The following SERPINA6 variants were observed in gnomAD, a reference collection of about 807,000 sequenced individuals.
The protein encoded by SERPINA6 is serpin family A member 6, also known as corticosteroid-binding globulin.
In SERPINA6, 19 loss-of-function variants were observed where a neutral mutation model predicts 26.4. The observed-to-expected ratio is 0.72, with a 90% CI of 0.50 to 1.06. The LOEUF (loss-of-function observed/expected upper bound fraction) is 1.06. Among genes scored for constraint, SERPINA6 ranks in the 50% least tolerant of loss-of-function variants. The probability of loss-of-function intolerance (pLI) is 0.00; values close to 1 mark genes in which losing one functional copy is unlikely to be tolerated. For synonymous variants in SERPINA6, 196 were observed against 199.4 expected, an observed-to-expected ratio of 0.98 and a Z score of 0.14; for missense variants, 473 against 504.0, an observed-to-expected ratio of 0.94 and a Z score of 0.59.
At position 94,321,516 on chromosome 14, in the gene SERPINA6, G is replaced by A. The variant is rs143845279; in HGVS notation, c.-20+1751C>T. On this transcript the variant is annotated intron_variant, in intron 1 of 4. Transcript: ENST00000341584. ...CCCACTGTGGGGCAGGGCAGGGCATGTCACATCACTATAGGGCAGGTTACA... is the reference window on the plus strand; with the variant it reads ...CCCACTGTGGGGCAGGGCAGGGCATATCACATCACTATAGGGCAGGTTACA... Among the ~76,000 whole-genome samples, 392 of 152,312 alleles carry A rather than the reference G, an allele frequency of 2.6e-3. 3 individuals carry two copies. Among genetic ancestry groups the A allele is most frequent in the African/African-American group, 9.0e-3 (374 of 41,560 alleles).
At position 94,304,601 on chromosome 14, in the gene SERPINA6, C is replaced by T. The variant is rs1335608999; in HGVS notation, c.1035G>A (p.Val345=). 2 of 1,613,746 alleles carry T rather than the reference C, an allele frequency of 1.2e-6. No homozygotes were observed. Among genetic ancestry groups the T allele is most frequent in the Non-Finnish European group, 8.5e-7 (1 of 1,179,818 alleles). The change falls in exon 5 of 5, where the codon GTG becomes GTA. Residue 345 remains valine, a splice_region_variant and synonymous_variant. Transcript: ENST00000341584. ...TGAGTTGCAGCACAGCTTTATGGAC[C>T]ACCTGTTAGGTACAGAATGAAGATG... ...TQDAQLKSSK[V]VHKAVLQLNE... is the part of the protein sequence containing the mutation.
chr14:94,304,450 G>A lies in SERPINA6; in HGVS notation c.1186C>T (p.Leu396Phe). 1.9e-6 allele frequency: 3 copies of A among 1,614,166 alleles called. No individual in the cohort carries two copies. The highest frequency in any genetic ancestry group is 1.3e-5 in the African/African-American group (1 of 75,032). Residue 396 changes from leucine to phenylalanine, a missense_variant, in exon 5 of 5, where the codon CTT becomes TTT. Coordinates refer to ENST00000341584, the MANE Select transcript of SERPINA6 (RefSeq NM_001756.4). The part of the protein sequence containing the change: ...MIFDHFTWSS[L>F]FLARVMNPV Reference sequence around the variant, plus strand: ...GGGTTCATAACCCTCGCCAGGAAAAGGCTGCTCCAGGTGAAGTGGTCGAAG... The same window carrying A: ...GGGTTCATAACCCTCGCCAGGAAAAAGCTGCTCCAGGTGAAGTGGTCGAAG...
chr14:94,321,875 G>A (rs1457345560), intron 1 of SERPINA6, among the ~76,000 whole-genome samples: 1 of 152,212 alleles, frequency 6.6e-6, no homozygotes, highest in East Asian at 1.9e-4. Context: ...TGTGCGGTAT[G>A]ATGCCAATGG....
At chr14:94,314,780 A>C in intron 1 of SERPINA6, 113 bp from the exon 2 acceptor site, 1 of 980,774 alleles carries the variant, frequency 1.0e-6, no homozygotes, top group Non-Finnish European at 1.6e-6. Flanking sequence ...CTTCCTCCAC[A>C]CTGGCTGTGT....
intron 1 of SERPINA6, among the ~76,000 whole-genome samples, chr14:94,321,083 C>T (rs1454923549): frequency 1.3e-5 from 2 of 152,136 alleles, no homozygotes; most frequent in South Asian, 2.1e-4. Flanking sequence ...GCCTCAGTTT[C>T]CACAGTATAA....
chr14:94,315,748 G>A (rs1895605502), intron 1 of SERPINA6, among the ~76,000 whole-genome samples: 1 of 151,998 alleles, frequency 6.6e-6, no homozygotes, highest in South Asian at 2.1e-4. Flanking sequence ...CAAAAGACAG[G>A]GCAATGACAT....
intron 1 of SERPINA6, among the ~76,000 whole-genome samples, chr14:94,315,399 GTTTAA>G (rs1230070913): frequency 2.0e-5 from 3 of 151,964 alleles, no homozygotes; most frequent in Non-Finnish European, 1.5e-5. Context: ...TTACATTTTG[GTTTAA>G]TTTATTTTCT....
chr14:94,314,608 G>A lies in SERPINA6; in HGVS notation c.41C>T (p.Thr14Ile), dbSNP rs142631353. The change falls in exon 2 of 5, where the codon ACC (threonine) becomes ATC (isoleucine). Residue 14 changes from threonine to isoleucine, a missense_variant. By Grantham distance (89) the Thr-to-Ile change is moderately conservative. Transcript: ENST00000341584. ...LLYTCLLWLPTSGLWTVQAMD... is the reference protein window; with the variant it reads ...LLYTCLLWLPISGLWTVQAMD... ...GGCCTGGACGGTCCAGAGGCCGCTG[G>A]TGGGCAGCCAGAGAAGACAGGTGTA... is the stretch of plus-strand genomic sequence containing the variant. 1.9e-4 allele frequency: 309 copies of A among 1,614,042 alleles called. No homozygotes were observed. Among genetic ancestry groups the A allele is most frequent in the Non-Finnish European group, 2.5e-4 (297 of 1,180,042 alleles).
chr14:94,313,931 G>A (rs751600100), intron 2 of SERPINA6, 105 bp downstream of exon 2: 2 of 1,193,888 alleles, frequency 1.7e-6, no homozygotes, highest in East Asian at 2.3e-5. Context: ...ATGTGTATGT[G>A]CTTTACAGAA....
At chr14:94,319,928 A>T (rs1895660753) in intron 1 of SERPINA6, among the ~76,000 whole-genome samples, 1 of 152,250 alleles carries the variant, frequency 6.6e-6, no homozygotes. Flanking sequence ...GTATGCTTGT[A>T]GTTAAAACGT....
chr14:94,309,921 C>T lies in SERPINA6; in HGVS notation c.699G>A (p.Met233Ile), dbSNP rs752721162. 1 of 1,614,198 alleles carries T rather than the reference C, an allele frequency of 6.2e-7. No individual in the cohort carries two copies. The highest frequency in any genetic ancestry group is 1.1e-5 in the South Asian group (1 of 91,076). The change falls in exon 3 of 5, where the codon ATG becomes ATA. Residue 233 changes from methionine (M) to isoleucine (I), a missense_variant. Physicochemically the swap from Met to Ile is conservative, Grantham distance 10. Coordinates refer to ENST00000341584, the MANE Select transcript of SERPINA6 (RefSeq NM_001756.4). ...VDETTVVKVPMMLQSSTISYL... is the reference protein window; with the variant it reads ...VDETTVVKVPIMLQSSTISYL... ...AACTGATGGTGCTCGACTGCAACAT[C>T]ATGGGCACCTTCACCACAGTTGTCT...
chr14:94,320,443 A>G (rs965127350), intron 1 of SERPINA6, among the ~76,000 whole-genome samples: 1 of 152,186 alleles, frequency 6.6e-6, no homozygotes, highest in African/African-American at 2.4e-5. Flanking sequence ...GCAAACACAG[A>G]GCTGTAACCT....
intron 4 of SERPINA6, 92 bp downstream of exon 4, chr14:94,305,979 A>T: frequency 6.8e-7 from 1 of 1,467,140 alleles, no homozygotes; most frequent in Non-Finnish European, 9.5e-7. Context: ...CTAGAGGCTC[A>T]TTCATGAACG....
chr14:94,313,932 C>A, intron 2 of SERPINA6, 104 bp downstream of exon 2: 1 of 1,216,614 alleles, frequency 8.2e-7, no homozygotes, highest in Non-Finnish European at 1.2e-6. Context: ...TGTGTATGTG[C>A]TTTACAGAAT....
chr14:94,310,389 C>T (rs1391545168), intron 2 of SERPINA6, among the ~76,000 whole-genome samples: 3 of 150,992 alleles, frequency 2.0e-5, no homozygotes, highest in Non-Finnish European at 4.4e-5. Context: ...ACTCAGAGTC[C>T]CTGGTGGGAA....
Position 94,320,736 on chromosome 14 carries a change from C to A in SERPINA6, c.-20+2531G>T, listed in dbSNP as rs971231602. Among the ~76,000 whole-genome samples the A allele has an allele frequency of 1.2e-4, 18 of 152,210 alleles. 1 individual carries two copies. The highest frequency in any genetic ancestry group is 8.3e-4 in the South Asian group (4 of 4,812). ...AGAATGACAGGTGGGAACTCCCCCGCAAAACCCTTAGTTCTCCTGAGTCTC... is the reference window on the plus strand; with the variant it reads ...AGAATGACAGGTGGGAACTCCCCCGAAAAACCCTTAGTTCTCCTGAGTCTC... On this transcript the variant is annotated intron_variant, in intron 1 of 4. Transcript: ENST00000341584.
rs1204764754 is a variant in SERPINA6, at chr14:94,321,874, T to TAGGGCTGTGCCTGA, written c.-20+1392_-20+1393insTCAGGCACAGCCCT. Among the ~76,000 whole-genome samples the TAGGGCTGTGCCTGA allele has an allele frequency of 1.1e-4, 16 of 152,350 alleles. No homozygotes were observed. The East Asian group carries it at 2.9e-3, about 28-fold the overall frequency. On this transcript the variant is annotated intron_variant, in intron 1 of 4. Coordinates refer to ENST00000341584, the MANE Select transcript of SERPINA6 (RefSeq NM_001756.4). ...TCTCAGGCACAGGCCCTGTGCGGTATGATGCCAATGGTAGGATGGGCTCCC... is the reference window on the plus strand; with the variant it reads ...TCTCAGGCACAGGCCCTGTGCGGTATAGGGCTGTGCCTGAGATGCCAATGGTAGGATGGGCTCCC...
At chr14:94,307,364 G>T (rs1895456181) in intron 3 of SERPINA6, among the ~76,000 whole-genome samples, 1 of 152,196 alleles carries the variant, frequency 6.6e-6, no homozygotes, top group South Asian at 2.1e-4. Context: ...GGAGGCAACA[G>T]AACTGAAAAG....
At chr14:94,311,298 C>T (rs1215031989) in intron 2 of SERPINA6, among the ~76,000 whole-genome samples, 2 of 152,132 alleles carry the variant, frequency 1.3e-5, no homozygotes, top group African/African-American at 2.4e-5. Context: ...ATCCTCAGAA[C>T]CAGAGGGCAG....
Sources: allele counts gnomAD v4.1 joint callset (sites outside exome capture counted in the v4.1 genomes callset), GRCh38; gene constraint gnomAD v4.1.1; transcripts MANE v1.5; gene names NCBI Gene and HGNC (gene_info 2026-07-23, HGNC 2026-07-21).